The following ATG4B variants were observed in gnomAD, a reference collection of about 807,000 sequenced individuals.
ATG4B encodes cysteine protease ATG4B.
A neutral mutation model predicts 56.6 loss-of-function variants in ATG4B; 29 were observed. The ratio of observed to expected loss-of-function variants is 0.51; its 90% CI spans 0.38 to 0.70. The LOEUF (loss-of-function observed/expected upper bound fraction) is 0.70. Among genes scored for constraint, ATG4B ranks in the 30% least tolerant of loss-of-function variants. The pLI, the probability that ATG4B is intolerant of heterozygous loss-of-function variation, is 0.00. For missense variants in ATG4B, 461 were observed against 515.5 expected, an observed-to-expected ratio of 0.89 and a Z score of 1.02; for synonymous variants, 224 against 206.1, an observed-to-expected ratio of 1.09 and a Z score of -0.74.
intron 6 of ATG4B, among the ~76,000 whole-genome samples, chr2:241,658,553 C>T (rs890145093): frequency 1.2e-4 from 19 of 152,220 alleles, no homozygotes; most frequent in Admixed American, 7.2e-4. Flanking sequence ...AGATCAGAGT[C>T]GTGTTAGACT....
chr2:241,641,325 C>T (rs907865522), intron 1 of ATG4B, among the ~76,000 whole-genome samples: 50 of 152,198 alleles, frequency 3.3e-4, no homozygotes, highest in African/African-American at 1.2e-3. Context: ...CCGAGGTGGG[C>T]GGATCACAAG....
chr2:241,666,263 G>A (rs2068765090), intron 7 of ATG4B, among the ~76,000 whole-genome samples: 1 of 152,224 alleles, frequency 6.6e-6, no homozygotes, highest in South Asian at 2.1e-4. Flanking sequence ...GTGGAAGCGA[G>A]GAAAGGCGTT....
chr2:241,668,413 C>G lies in ATG4B; in HGVS notation c.812-127C>G. On this transcript the variant is annotated intron_variant, in intron 9 of 12. Transcript: ENST00000404914. This position sits in a 1 kb window ranked among gnomAD's most constrained non-coding sequence, Gnocchi z 4.2. The stretch of plus-strand genomic sequence containing the variant: ...CCCTGATGGTCTGGTGCCCTCGGCT[C>G]CCTCCCCACCTCCTGCCCACTGCTT... 2 of 1,435,990 alleles carry G rather than the reference C, an allele frequency of 1.4e-6. No individual in the cohort carries two copies. Among genetic ancestry groups the G allele is most frequent in the Non-Finnish European group, 1.9e-6 (2 of 1,052,280 alleles). 89.0% of individuals were successfully genotyped at this position (1,435,990 alleles called of 1,614,324 possible).
chr2:241,664,175 A>G (rs1486149169), intron 7 of ATG4B, among the ~76,000 whole-genome samples: 2 of 152,130 alleles, frequency 1.3e-5, no homozygotes, highest in Non-Finnish European at 2.9e-5. Flanking sequence ...TAGAACTAAC[A>G]CATACTAGAA....
At chr2:241,647,563 T>G (rs1331423344) in intron 1 of ATG4B, among the ~76,000 whole-genome samples, 1 of 141,844 alleles carries the variant, frequency 7.1e-6, no homozygotes, top group East Asian at 2.1e-4. Flanking sequence ...GAGCTTGCAG[T>G]GAGCCGAGAT....
chr2:241,672,272 G>C lies in ATG4B; in HGVS notation c.*8G>C. The C allele has an allele frequency of 6.4e-7, 1 of 1,566,094 alleles. No homozygotes were observed. Among genetic ancestry groups the C allele is most frequent in the Non-Finnish European group, 8.7e-7 (1 of 1,154,660 alleles). ...GAAATCCTGTCCCTTTGAAAATCCT[G>C]GGGTCGGGGGTGGCACCTGTGAGAG... On this transcript the variant is annotated 3_prime_UTR_variant, in exon 13 of 13. Coordinates refer to ENST00000404914, the MANE Select transcript of ATG4B (RefSeq NM_013325.5).
intron 6 of ATG4B, among the ~76,000 whole-genome samples, chr2:241,655,936 C>G (rs1422240588): frequency 6.6e-6 from 1 of 152,246 alleles, no homozygotes; most frequent in East Asian, 1.9e-4. Flanking sequence ...CTTCACTCCT[C>G]TTGACCCATC....
intron 12 of ATG4B, chr2:241,671,619 A>G (rs914831545): frequency 9.4e-6 from 14 of 1,486,608 alleles, no homozygotes; most frequent in African/African-American, 2.8e-5. Context: ...CGTCTTCCCC[A>G]CCAGCGCTGC....
At chr2:241,644,022 T>C (rs1575057725) in intron 1 of ATG4B, among the ~76,000 whole-genome samples, 1 of 152,164 alleles carries the variant, frequency 6.6e-6, no homozygotes, top group Non-Finnish European at 1.5e-5. Flanking sequence ...AGGCAGCTGG[T>C]GTCAGGCCTA....
At chr2:241,670,290 C>T (rs2068921568) in intron 10 of ATG4B, among the ~76,000 whole-genome samples, 1 of 151,832 alleles carries the variant, frequency 6.6e-6, no homozygotes, top group African/African-American at 2.4e-5. Context: ...CCCTGTGTCA[C>T]GGTGTCCTTG....
chr2:241,637,748 C>T (rs754693607), intron 1 of ATG4B, 24 bp downstream of exon 1: 4 of 1,570,880 alleles, frequency 2.5e-6, no homozygotes, highest in South Asian at 1.1e-5. Context: ...GGGGGTCGGT[C>T]TTTCCGCAGG....
rs2068372306 is a variant in ATG4B at position 241,655,562 on chromosome 2, A to G, written c.458+219A>G. On this transcript the variant is annotated intron_variant, in intron 6 of 12. Coordinates refer to ENST00000404914, the MANE Select transcript of ATG4B (RefSeq NM_013325.5). ...CACCGTAGTCCACATCCTGGCTGGC[A>G]CATTGGACCCTTGTTCTTTGCTGCA... 5.2e-6 allele frequency: 3 copies of G among 580,002 alleles called. No homozygotes were observed. The South Asian group carries it at 6.1e-5, about 12-fold the overall frequency. 35.9% of individuals were successfully genotyped at this position (580,002 alleles called of 1,614,324 possible).
chr2:241,649,500 G>C (rs1261782763), intron 1 of ATG4B, among the ~76,000 whole-genome samples: 1 of 152,214 alleles, frequency 6.6e-6, no homozygotes, highest in Non-Finnish European at 1.5e-5. Flanking sequence ...GCTGGTGAAG[G>C]ATGAGTGATC....
intron 5 of ATG4B, 186 bp downstream of exon 5, chr2:241,654,833 C>T (rs1276186673): frequency 4.9e-6 from 3 of 607,234 alleles, no homozygotes; most frequent in East Asian, 2.8e-5. Flanking sequence ...CACATCACCC[C>T]CGTCCCACCC....
chr2:241,637,767 G>T lies in ATG4B; in HGVS notation c.10+43G>T. 13 of 1,554,756 alleles carry T rather than the reference G, an allele frequency of 8.4e-6. No individual in the cohort carries two copies. In the African/African-American group the frequency reaches 8.6e-5, roughly 10 times the overall value. On this transcript the variant is annotated intron_variant, in intron 1 of 12. Transcript: ENST00000404914. ...GTCGGTCTTTCCGCAGGAGGTGCTC[G>T]CCTTATCATTGGCCTCCCCTGCTCG... is the stretch of plus-strand genomic sequence containing the variant.
At position 241,657,489 on chromosome 2, in the gene ATG4B, G is replaced by A. The variant is rs1006159929; in HGVS notation, c.459-1619G>A. 1.1e-4 allele frequency among the ~76,000 whole-genome samples: 17 copies of A among 149,966 alleles called. 1 individual carries two copies. Among genetic ancestry groups the A allele is most frequent in the Non-Finnish European group, 1.2e-4 (8 of 67,588 alleles). ...CCAACTAATTTTTGTATTTTTAGTG[G>A]AGACAAGGTTTCACCATGTTAGCCA... On this transcript the variant is annotated intron_variant, in intron 6 of 12. Coordinates refer to ENST00000404914, the MANE Select transcript of ATG4B (RefSeq NM_013325.5).
chr2:241,664,932 C>G (rs1279468301), intron 7 of ATG4B, among the ~76,000 whole-genome samples: 4 of 152,140 alleles, frequency 2.6e-5, no homozygotes, highest in African/African-American at 9.7e-5. Flanking sequence ...CCACTGCACT[C>G]CAGCCTGGAC....
Position 241,673,365 on chromosome 2 carries a change from A to G in ATG4B, c.*1101A>G, listed in dbSNP as rs374542414. 1.9e-5 allele frequency: 7 copies of G among 359,898 alleles called. No homozygotes were observed. Among genetic ancestry groups the G allele is most frequent in the Middle Eastern group, 1.0e-3 (1 of 994 alleles). 22.3% of individuals were successfully genotyped at this position (359,898 alleles called of 1,614,324 possible). Reference sequence around the variant, plus strand: ...GCTGCTCTGCTGCCTGTCCTGGGAAAGTATCTTTGCCCCACTAGGAAATGT... The same window carrying G: ...GCTGCTCTGCTGCCTGTCCTGGGAAGGTATCTTTGCCCCACTAGGAAATGT... On this transcript the variant is annotated 3_prime_UTR_variant, in exon 13 of 13. Transcript: ENST00000404914.
intron 7 of ATG4B, chr2:241,659,677 A>G (rs1471909044): frequency 1.1e-5 from 3 of 270,366 alleles, no homozygotes; most frequent in Non-Finnish European, 1.5e-5. Flanking sequence ...TCTAGGAGGA[A>G]AACTGTGGCT....
Sources: gnomAD v4.1 joint callset for allele counts (sites outside exome capture counted in the v4.1 genomes callset) on GRCh38, gnomAD v4.1.1 for gene constraint, Gnocchi (gnomAD v3.1) non-coding constraint, MANE v1.5 for transcripts, NCBI Gene and HGNC (gene_info 2026-07-23, HGNC 2026-07-21) for gene names.